The following MAPDA variants were observed in gnomAD, a reference collection of about 807,000 sequenced individuals.
MAPDA encodes the protein N6,N6-dimethyl-AMP deaminase.
the MAPDA span, chr15:43,351,172 G>A: frequency 7.6e-5 from 65 of 852,642 alleles, no homozygotes; most frequent in Admixed American, 1.7e-4. Context: ...AGAAGGGACC[G>A]GGGTGTGGCT....
chr15:43,349,362 T>G, the MAPDA span: 2 of 1,006,384 alleles, frequency 2.0e-6, no homozygotes, highest in African/African-American at 1.7e-5. Flanking sequence ...AATTGACATG[T>G]GTTATGAAAA....
the MAPDA span, chr15:43,335,208 A>G: frequency 6.3e-7 from 1 of 1,599,574 alleles, no homozygotes; most frequent in Middle Eastern, 1.7e-4. Context: ...GTGGTTGCTA[A>G]TTATAATGAC....
At chr15:43,330,694 G>C in the MAPDA span, 1 of 493,386 alleles carries the variant, frequency 2.0e-6, no homozygotes. Context: ...AAGTTCGCTT[G>C]CGGCTGACCT....
the MAPDA span, chr15:43,335,557 T>C: frequency 4.2e-6 from 4 of 963,506 alleles, no homozygotes; most frequent in Non-Finnish European, 5.9e-6. Context: ...GTAAATTTTG[T>C]AGGCAAAATT....
At chr15:43,336,354 C>A in the MAPDA span, among the ~76,000 whole-genome samples, 2 of 152,094 alleles carry the variant, frequency 1.3e-5, no homozygotes, top group Non-Finnish European at 1.5e-5. Context: ...ATGTGATAGT[C>A]TTTAGATTTG....
chr15:43,346,677 C>A, the MAPDA span, among the ~76,000 whole-genome samples: 1 of 152,206 alleles, frequency 6.6e-6, no homozygotes, highest in Admixed American at 6.5e-5. Flanking sequence ...TTTGAGTAAT[C>A]ATGAGAGTTC....
At chr15:43,330,660 A>T in the MAPDA span, 1 of 717,850 alleles carries the variant, frequency 1.4e-6, no homozygotes, top group Non-Finnish European at 2.2e-6. Context: ...GCCAACCAGA[A>T]TTGAGGAGGG....
At chr15:43,346,493 C>G in the MAPDA span, among the ~76,000 whole-genome samples, 1 of 152,324 alleles carries the variant, frequency 6.6e-6, no homozygotes, top group Non-Finnish European at 1.5e-5. Flanking sequence ...TAGCACTCTC[C>G]CAGATATGAC....
At chr15:43,340,352 G>A in the MAPDA span, 5 of 1,611,768 alleles carry the variant, frequency 3.1e-6, no homozygotes, top group African/African-American at 5.3e-5. Context: ...AAATGCTACT[G>A]GTAGAATTTA....
chr15:43,333,625 A>G, the MAPDA span, among the ~76,000 whole-genome samples: 1 of 152,236 alleles, frequency 6.6e-6, no homozygotes. Context: ...GTTTAGTCCT[A>G]TACAAACTAC....
the MAPDA span, among the ~76,000 whole-genome samples, chr15:43,332,760 T>A: frequency 9.1e-4 from 138 of 152,226 alleles, 1 homozygote; most frequent in Admixed American, 2.2e-3. Context: ...AGTTCCCTTT[T>A]GGGGGAGTAG....
At chr15:43,351,115 A>G in the MAPDA span, 14 of 1,385,576 alleles carry the variant, frequency 1.0e-5, no homozygotes, top group African/African-American at 1.4e-5. Context: ...TTCACTATCT[A>G]GCTGACTGCC....
chr15:43,345,550 A>G, the MAPDA span, among the ~76,000 whole-genome samples: 3 of 152,212 alleles, frequency 2.0e-5, no homozygotes, highest in Non-Finnish European at 2.9e-5. Context: ...ACATTGACTT[A>G]CACAAAGTGT....
At chr15:43,345,171 G>A in the MAPDA span, among the ~76,000 whole-genome samples, 2 of 151,862 alleles carry the variant, frequency 1.3e-5, no homozygotes, top group Non-Finnish European at 2.9e-5. Flanking sequence ...TGGCTAACAC[G>A]GTGAAACTCC....
chr15:43,345,354 C>CA, the MAPDA span, among the ~76,000 whole-genome samples: 265 of 35,592 alleles, frequency 7.4e-3, 2 homozygotes, highest in African/African-American at 0.016. Flanking sequence ...GATTCCATCT[C>CA]AAAAAAAAAA....
the MAPDA span, chr15:43,340,409 T>A: frequency 6.9e-7 from 1 of 1,446,500 alleles, no homozygotes; most frequent in South Asian, 1.2e-5. Flanking sequence ...CTTTGATCAC[T>A]CACATGTTTG....
chr15:43,343,775 G>C, the MAPDA span, among the ~76,000 whole-genome samples: 2 of 151,768 alleles, frequency 1.3e-5, no homozygotes, highest in Non-Finnish European at 2.9e-5. Flanking sequence ...CACAAAGTAG[G>C]TACATAGTAT....
the MAPDA span, chr15:43,346,063 C>T: frequency 6.4e-7 from 1 of 1,559,002 alleles, no homozygotes; most frequent in Middle Eastern, 2.1e-4. Context: ...TCTTGCATTG[C>T]ATTCTCCAGA....
At chr15:43,346,223 TC>T in the MAPDA span, among the ~76,000 whole-genome samples, 4 of 152,208 alleles carry the variant, frequency 2.6e-5, no homozygotes, top group African/African-American at 9.7e-5. Context: ...GACTATTTTC[TC>T]CATTCTTCTA....
Sources: gnomAD v4.1 joint callset for allele counts (sites outside exome capture counted in the v4.1 genomes callset) on GRCh38, gnomAD v4.1.1 for gene constraint, MANE v1.5 for transcripts, NCBI Gene and HGNC (gene_info 2026-07-23, HGNC 2026-07-21) for gene names.